Variants in QKI observed in about 807,000 individuals in gnomAD.
QKI encodes QKI, KH domain containing RNA binding, also known as KH domain-containing RNA-binding protein QKI.
In QKI, 10 loss-of-function variants were observed where a neutral mutation model predicts 39.0. The observed-to-expected ratio is 0.26, with a 90% CI of 0.16 to 0.43. QKI has a LOEUF of 0.43. QKI is among the 20% of genes least tolerant of loss of function. The pLI, the probability that QKI is intolerant of heterozygous loss-of-function variation, is 1.00. For missense variants in QKI, 218 were observed against 428.0 expected, an observed-to-expected ratio of 0.51 and a Z score of 4.33; for synonymous variants, 204 against 155.4, an observed-to-expected ratio of 1.31 and a Z score of -2.33.
intron 1 of QKI, among the ~76,000 whole-genome samples, chr6:163,418,310 C>T (rs1335795305): frequency 6.6e-6 from 1 of 151,886 alleles, no homozygotes; most frequent in East Asian, 1.9e-4. Context: ...TGCTTGTCAG[C>T]CTAAGAATTT....
chr6:163,418,854 C>G (rs1042285605), intron 1 of QKI, among the ~76,000 whole-genome samples: 2 of 152,084 alleles, frequency 1.3e-5, no homozygotes, highest in Non-Finnish European at 2.9e-5. Flanking sequence ...AGAGTACGGT[C>G]TATTAGACTT....
In QKI at chr6:163,575,728, T is replaced by C. The variant is rs1365095424; in HGVS notation, c.*5018T>C. Reference sequence around the variant, plus strand: ...AACACTACATAAGGATCTGAATTTTTTAGTGTGCCAAAAGCAAACGATAGG... The same window carrying C: ...AACACTACATAAGGATCTGAATTTTCTAGTGTGCCAAAAGCAAACGATAGG... On this transcript the variant is annotated 3_prime_UTR_variant, in exon 8 of 8. Transcript: ENST00000361752. 1 of 152,192 alleles carries C rather than the reference T, an allele frequency of 6.6e-6. No individual in the cohort carries two copies. Among genetic ancestry groups the C allele is most frequent in the Non-Finnish European group, 1.5e-5 (1 of 68,028 alleles). The allele number at this position is 152,192 out of a possible 1,614,324, so 9.4% of individuals were successfully genotyped here.
At chr6:163,482,393 A>G (rs1157289869) in intron 3 of QKI, among the ~76,000 whole-genome samples, 9 of 152,218 alleles carry the variant, frequency 5.9e-5, no homozygotes, top group African/African-American at 2.2e-4. Context: ...AAACCAAACA[A>G]ATCTCCAGAA....
chr6:163,529,722 T>C (rs1780738123), intron 3 of QKI, among the ~76,000 whole-genome samples: 1 of 152,104 alleles, frequency 6.6e-6, no homozygotes, highest in Non-Finnish European at 1.5e-5. Flanking sequence ...TGTGGATAGA[T>C]GTGAATGGGT....
chr6:163,548,849 C>T (rs73784468), intron 4 of QKI, among the ~76,000 whole-genome samples: 2,447 of 152,098 alleles, frequency 0.016, 70 homozygotes, highest in African/African-American at 0.056. Context: ...AAAGGAGACC[C>T]GGAAGGTGAC....
At position 163,437,353 on chromosome 6, in the gene QKI, A is replaced by G. The variant is rs183408377; in HGVS notation, c.143-17926A>G. Among the ~76,000 whole-genome samples, 20 of 152,354 alleles carry G rather than the reference A, an allele frequency of 1.3e-4. No homozygotes were observed. The East Asian group carries it at 1.5e-3, about 12-fold the overall frequency. ...TTTTACTGTTTTTCTGTAACAGGCT[A>G]TAAATTTAGTGTATCGATTATCAAA... On this transcript the variant is annotated intron_variant, in intron 1 of 7. Coordinates refer to ENST00000361752, the MANE Select transcript of QKI (RefSeq NM_006775.3).
intron 3 of QKI, among the ~76,000 whole-genome samples, chr6:163,482,792 A>G (rs1026253254): frequency 2.0e-5 from 3 of 152,010 alleles, no homozygotes; most frequent in Non-Finnish European, 4.4e-5. Context: ...AATCTCTCCA[A>G]ACCCCGTCCT....
At chr6:163,436,816 G>A (rs62428365) in intron 1 of QKI, among the ~76,000 whole-genome samples, 3,926 of 145,996 alleles carry the variant, frequency 0.027, 176 homozygotes, top group African/African-American at 0.094. Flanking sequence ...AAAAAAAAGG[G>A]AAGAAGAAAT....
rs1205413257 is a variant in QKI, at chr6:163,415,013, G to T, written c.-181G>T. 2.0e-6 allele frequency: 1 copy of T among 494,656 alleles called. No individual in the cohort carries two copies. Among genetic ancestry groups the T allele is most frequent in the South Asian group, 8.4e-5 (1 of 11,932 alleles). The allele number at this position is 494,656 out of a possible 1,614,324, so 30.6% of individuals were successfully genotyped here. A position where few individuals can be genotyped will look rare whatever the true frequency, so the allele number is the denominator to read the frequency against. ...GGCCCGGGCGGAAAGTGCCTGCGGG[G>T]GGCGGGCGAGCGCGCGGTGCCGGCC... On this transcript the variant is annotated 5_prime_UTR_variant, in exon 1 of 8. Coordinates refer to ENST00000361752, the MANE Select transcript of QKI (RefSeq NM_006775.3).
At chr6:163,549,870 C>CT (rs35084088) in intron 4 of QKI, among the ~76,000 whole-genome samples, 2 of 152,156 alleles carry the variant, frequency 1.3e-5, no homozygotes, top group African/African-American at 2.4e-5. Context: ...TAACACACTA[C>CT]TTTTTTAACA....
intron 3 of QKI, among the ~76,000 whole-genome samples, chr6:163,531,347 G>A (rs558370812): frequency 6.6e-6 from 1 of 152,186 alleles, no homozygotes; most frequent in Admixed American, 6.5e-5. Flanking sequence ...GTTTGAGCAA[G>A]TGTTTTACTT....
Position 163,576,963 on chromosome 6 carries a change from T to C in QKI, c.*6253T>C, listed in dbSNP as rs1405266721. 2.0e-5 allele frequency: 3 copies of C among 152,198 alleles called. No individual in the cohort carries two copies. The highest frequency in any genetic ancestry group is 7.2e-5 in the African/African-American group (3 of 41,454). The allele number at this position is 152,198 out of a possible 1,614,324, so 9.4% of individuals were successfully genotyped here. A position where few individuals can be genotyped will look rare whatever the true frequency, so the allele number is the denominator to read the frequency against. On this transcript the variant is annotated 3_prime_UTR_variant, in exon 8 of 8. Coordinates refer to ENST00000361752, the MANE Select transcript of QKI (RefSeq NM_006775.3). Reference sequence around the variant, plus strand: ...GTGCATCCAAAACATTTTTTTATCTTTAATAAATGGTACAGTTTTTATGTA... The same window carrying C: ...GTGCATCCAAAACATTTTTTTATCTCTAATAAATGGTACAGTTTTTATGTA...
In QKI at chr6:163,451,416, G is replaced by A. The variant is rs554810590; in HGVS notation, c.143-3863G>A. Among the ~76,000 whole-genome samples, 9 of 152,164 alleles carry A rather than the reference G, an allele frequency of 5.9e-5. No homozygotes were observed. The East Asian group carries it at 1.7e-3, about 29-fold the overall frequency. ...TCAGAGTGCATCTAAACAAGTGGGAGGGTATAAAACCATGTCATTGGTTTA... is the reference window on the plus strand; with the variant it reads ...TCAGAGTGCATCTAAACAAGTGGGAAGGTATAAAACCATGTCATTGGTTTA... On this transcript the variant is annotated intron_variant, in intron 1 of 7. Transcript: ENST00000361752.
intron 3 of QKI, among the ~76,000 whole-genome samples, chr6:163,493,830 C>G (rs1247284710): frequency 9.3e-6 from 1 of 107,488 alleles, no homozygotes; most frequent in South Asian, 3.2e-4. Context: ...TCTAAAAAAT[C>G]ACTTTTTTAA....
intron 3 of QKI, among the ~76,000 whole-genome samples, chr6:163,494,871 CTGTTGAA>C (rs1428340035): frequency 1.3e-5 from 2 of 151,634 alleles, no homozygotes; most frequent in Non-Finnish European, 1.5e-5. Flanking sequence ...CTGCTGTTGG[CTGTTGAA>C]TGTTAAAGAA....
intron 4 of QKI, among the ~76,000 whole-genome samples, chr6:163,554,978 A>G (rs1412366110): frequency 6.6e-6 from 1 of 152,222 alleles, no homozygotes; most frequent in African/African-American, 2.4e-5. Flanking sequence ...CAATCAAATT[A>G]TCTGTCATCT....
At chr6:163,504,428 A>T (rs915468963) in intron 3 of QKI, among the ~76,000 whole-genome samples, 1 of 152,214 alleles carries the variant, frequency 6.6e-6, no homozygotes, top group Admixed American at 6.5e-5. Flanking sequence ...AATAGCGTTC[A>T]ATCTGTAGAT....
At chr6:163,497,061 T>C (rs116213776) in intron 3 of QKI, among the ~76,000 whole-genome samples, 2 of 152,206 alleles carry the variant, frequency 1.3e-5, no homozygotes, top group Non-Finnish European at 2.9e-5. Flanking sequence ...TCAGTAAATA[T>C]GTGTTGAAGG....
intron 4 of QKI, among the ~76,000 whole-genome samples, chr6:163,561,476 C>T (rs894699444): frequency 1.1e-4 from 17 of 152,140 alleles, no homozygotes; most frequent in East Asian, 5.8e-4. Context: ...GGCATGGTGG[C>T]GCGTGCCTCT....
Sources: gnomAD v4.1 joint callset for allele counts (sites outside exome capture counted in the v4.1 genomes callset) on GRCh38, gnomAD v4.1.1 for gene constraint, MANE v1.5 for transcripts, NCBI Gene and HGNC (gene_info 2026-07-23, HGNC 2026-07-21) for gene names.